CSMD2: variants seen among roughly 807,000 people sequenced by gnomAD.
CSMD2 encodes the protein CUB and Sushi multiple domains 2.
A neutral mutation model predicts 398.5 loss-of-function variants in CSMD2; 130 were observed. That is an observed-to-expected ratio of 0.33 (90% CI 0.28 to 0.38). The LOEUF is 0.38. CSMD2 is among the 10% of genes least tolerant of loss of function. The pLI is 1.00. For synonymous variants in CSMD2, 1,828 were observed against 1,908.5 expected, an observed-to-expected ratio of 0.96 and a Z score of 1.10; for missense variants, 3,829 against 4,764.9, an observed-to-expected ratio of 0.80 and a Z score of 5.78.
At chr1:33,803,778 C>T (rs964918469) in intron 10 of CSMD2, among the ~76,000 whole-genome samples, 1 of 152,236 alleles carries the variant, frequency 6.6e-6, no homozygotes, top group African/African-American at 2.4e-5. Context: ...CCAGTATCCA[C>T]CTCTAAACTT....
At chr1:33,895,675 G>T (rs1287356018) in intron 5 of CSMD2, among the ~76,000 whole-genome samples, 1 of 152,180 alleles carries the variant, frequency 6.6e-6, no homozygotes, top group Non-Finnish European at 1.5e-5. Context: ...GGCCTTGGCA[G>T]AAAGGTGGCA....
intron 3 of CSMD2, among the ~76,000 whole-genome samples, chr1:34,014,366 G>A (rs1415680228): frequency 2.6e-5 from 4 of 152,348 alleles, no homozygotes; most frequent in East Asian, 1.9e-4. Flanking sequence ...TAATGTAAAG[G>A]CTGTGTGTGA....
intron 44 of CSMD2, among the ~76,000 whole-genome samples, chr1:33,593,444 C>T (rs1639609230): frequency 6.6e-6 from 1 of 152,178 alleles, no homozygotes; most frequent in Non-Finnish European, 1.5e-5. Context: ...GCTGGGGAGG[C>T]CTCATAATCA....
At chr1:33,819,392 C>T (rs1372585194) in intron 9 of CSMD2, among the ~76,000 whole-genome samples, 1 of 152,162 alleles carries the variant, frequency 6.6e-6, no homozygotes, top group African/African-American at 2.4e-5. Flanking sequence ...ACTTCCTTTC[C>T]TATCTAGGTG....
chr1:33,527,295 C>T (rs1023444456), intron 64 of CSMD2, 37 bp from the exon 65 acceptor site: 3 of 1,565,824 alleles, frequency 1.9e-6, no homozygotes. Context: ...ACAGGTTCAG[C>T]TTCTGGTTCA....
At chr1:33,788,246 G>A (rs145974486) in intron 12 of CSMD2, among the ~76,000 whole-genome samples, 2,582 of 152,200 alleles carry the variant, frequency 0.017, 71 homozygotes, top group African/African-American at 0.059. Context: ...GGTGGCTCAC[G>A]CCTGTAACCC....
chr1:33,625,784 A>T (rs1473355465), intron 33 of CSMD2, among the ~76,000 whole-genome samples: 1 of 152,190 alleles, frequency 6.6e-6, no homozygotes, highest in African/African-American at 2.4e-5. Flanking sequence ...CATCCTGGGC[A>T]GAGTCGAATG....
chr1:33,714,787 G>A lies in CSMD2; in HGVS notation c.3218-12C>T, dbSNP rs1246980165. 6.2e-7 allele frequency: 1 copy of A among 1,613,038 alleles called. No homozygotes were observed. Among genetic ancestry groups the A allele is most frequent in the Non-Finnish European group, 8.5e-7 (1 of 1,179,326 alleles). ...CTCCAAGTCGTACTCTGGAAAGGTA[G>A]CAGGAGATCCGGGCTCAGAGACATT... On this transcript the variant is annotated splice_polypyrimidine_tract_variant and intron_variant, in intron 20 of 70. Coordinates refer to ENST00000373381, the MANE Select transcript of CSMD2 (RefSeq NM_001281956.2).
At position 33,608,746 on chromosome 1, in the gene CSMD2, G is replaced by T. The variant is rs369443782; in HGVS notation, c.6343+2295C>A. 7.4e-4 allele frequency among the ~76,000 whole-genome samples: 113 copies of T among 152,198 alleles called. 5 individuals are homozygous for T. In the South Asian group the frequency reaches 0.023, roughly 31 times the overall value. On this transcript the variant is annotated intron_variant, in intron 41 of 70. Transcript: ENST00000373381. ...TTGTCATGAACTACCAGAAGCCAGG[G>T]GAGGGGCCCGGACAGAGTCTCCCTC...
chr1:33,734,511 G>A (rs996192999), intron 15 of CSMD2, among the ~76,000 whole-genome samples: 1 of 152,122 alleles, frequency 6.6e-6, no homozygotes, highest in Admixed American at 6.5e-5. Flanking sequence ...CAGGGGCCAG[G>A]TGTGGTGGCT....
intron 6 of CSMD2, among the ~76,000 whole-genome samples, chr1:33,826,958 C>A (rs1222578593): frequency 6.6e-6 from 1 of 152,218 alleles, no homozygotes; most frequent in Non-Finnish European, 1.5e-5. Context: ...GTCCAGGGTG[C>A]TTTACAAGTT....
rs765556504 is a variant in CSMD2 at position 33,657,932 on chromosome 1, C to A, written c.4447+14G>T. 2.1e-5 allele frequency: 34 copies of A among 1,604,010 alleles called. 1 individual carries two copies. The South Asian group carries it at 3.8e-4, about 18-fold the overall frequency. On this transcript the variant is annotated intron_variant, in intron 27 of 70. Transcript: ENST00000373381. ...AGCCCCAAGAGCAGAGTGCACCCTGCAGCTGCTTTGTACCGATGCATGTTG... is the reference window on the plus strand; with the variant it reads ...AGCCCCAAGAGCAGAGTGCACCCTGAAGCTGCTTTGTACCGATGCATGTTG...
chr1:34,159,338 C>A (rs773836455), intron 1 of CSMD2, among the ~76,000 whole-genome samples: 87 of 142,904 alleles, frequency 6.1e-4, no homozygotes, highest in African/African-American at 2.1e-3. Flanking sequence ...GCCCCCCCCC[C>A]ACCCAGGAGC....
intron 5 of CSMD2, among the ~76,000 whole-genome samples, chr1:33,916,336 A>G (rs924227073): frequency 1.3e-5 from 2 of 152,242 alleles, no homozygotes; most frequent in Non-Finnish European, 2.9e-5. Flanking sequence ...TAGATTTTCC[A>G]TGTTTTCTAC....
chr1:33,650,428 G>A (rs1263941473), intron 28 of CSMD2, among the ~76,000 whole-genome samples: 2 of 152,152 alleles, frequency 1.3e-5, no homozygotes, highest in Non-Finnish European at 2.9e-5. Flanking sequence ...AGGACAAGGA[G>A]GGAACAGGAA....
intron 3 of CSMD2, among the ~76,000 whole-genome samples, chr1:34,005,217 A>G (rs1408590893): frequency 1.3e-5 from 2 of 152,216 alleles, no homozygotes; most frequent in Non-Finnish European, 2.9e-5. Context: ...TGCCTTGGCC[A>G]AGAGGCAGAG....
At chr1:33,871,159 G>GATA (rs1269776680) in intron 5 of CSMD2, among the ~76,000 whole-genome samples, 6 of 152,194 alleles carry the variant, frequency 3.9e-5, no homozygotes, top group African/African-American at 1.4e-4. Flanking sequence ...TAAGGCTTCA[G>GATA]ATAATTTGTT....
chr1:33,637,236 G>A (rs1303558833), intron 29 of CSMD2, among the ~76,000 whole-genome samples: 2 of 152,152 alleles, frequency 1.3e-5, no homozygotes, highest in Non-Finnish European at 2.9e-5. Context: ...CTCTGGGTTG[G>A]GTTACCCGAC....
At chr1:33,967,808 G>A (rs1198247722) in intron 3 of CSMD2, among the ~76,000 whole-genome samples, 1 of 151,920 alleles carries the variant, frequency 6.6e-6, no homozygotes, top group Non-Finnish European at 1.5e-5. Context: ...AGTCTGTGAA[G>A]AAGAACCTCC....
Sources: gnomAD v4.1 joint callset for allele counts (sites outside exome capture counted in the v4.1 genomes callset) on GRCh38, gnomAD v4.1.1 for gene constraint, MANE v1.5 for transcripts, NCBI Gene and HGNC (gene_info 2026-07-23, HGNC 2026-07-21) for gene names.